PLA2R1: variants seen among roughly 807,000 people sequenced by gnomAD.
The protein encoded by PLA2R1 is secretory phospholipase A2 receptor.
PLA2R1 carries 158 observed loss-of-function variants against 195.9 expected under a neutral mutation model. The observed-to-expected ratio is 0.81, with a 90% CI of 0.71 to 0.92. The LOEUF is 0.92. Among genes scored for constraint, PLA2R1 ranks in the 40% least tolerant of loss-of-function variants. The pLI, the probability that PLA2R1 is intolerant of heterozygous loss-of-function variation, is 0.00. For missense variants in PLA2R1, 1,626 were observed against 1,764.6 expected (o/e 0.92, Z 1.41); for synonymous variants, 586 against 598.2 (o/e 0.98, Z 0.30).
At position 159,969,247 on chromosome 2, in the gene PLA2R1, T is replaced by TA. The variant is rs775877420; in HGVS notation, c.2764+8dup. The TA allele has an allele frequency of 3.4e-6, 5 of 1,479,812 alleles. No individual in the cohort carries two copies. Among genetic ancestry groups the TA allele is most frequent in the African/African-American group, 2.8e-5 (2 of 71,918 alleles). The allele number at this position is 1,479,812 out of a possible 1,614,324, so 91.7% of individuals were successfully genotyped here. A position where few individuals can be genotyped will look rare whatever the true frequency, so the allele number is the denominator to read the frequency against. ...TATTATAAACCCAAAAATGGGTAAG[T>TA]AAAATAACCTGTTATAGAAGAAATA... On this transcript the variant is annotated intron_variant, in intron 19 of 29. Coordinates refer to ENST00000283243, the MANE Select transcript of PLA2R1 (RefSeq NM_007366.5).
chr2:160,048,630 T>C (rs1319300625), intron 1 of PLA2R1, among the ~76,000 whole-genome samples: 1 of 152,180 alleles, frequency 6.6e-6, no homozygotes, highest in Non-Finnish European at 1.5e-5. Context: ...TGCATAGTTG[T>C]TGGATTTTTT....
intron 10 of PLA2R1, 26 bp downstream of exon 10, chr2:160,013,237 T>C (rs1365222580): frequency 3.6e-5 from 42 of 1,160,462 alleles, no homozygotes; most frequent in Non-Finnish European, 5.5e-5. Context: ...AGCCGTCTTG[T>C]TTCTGTTAAA....
intron 20 of PLA2R1, 61 bp downstream of exon 20, chr2:159,967,478 A>G: frequency 3.4e-6 from 5 of 1,454,590 alleles, no homozygotes; most frequent in Non-Finnish European, 4.7e-6. Context: ...CTTTTTGAAC[A>G]CTTTCCAAAA....
chr2:159,944,555 A>G (rs1342777176), intron 28 of PLA2R1, among the ~76,000 whole-genome samples: 1 of 152,230 alleles, frequency 6.6e-6, no homozygotes, highest in East Asian at 1.9e-4. Flanking sequence ...GAGGCCAAAC[A>G]TAAACCTTAA....
intron 23 of PLA2R1, among the ~76,000 whole-genome samples, chr2:159,953,105 T>C (rs907547666): frequency 6.6e-6 from 1 of 152,236 alleles, no homozygotes; most frequent in Non-Finnish European, 1.5e-5. Context: ...AAATGCCAAT[T>C]TGACTGTTTT....
intron 17 of PLA2R1, among the ~76,000 whole-genome samples, chr2:159,974,508 A>C (rs544741570): frequency 6.6e-6 from 1 of 152,280 alleles, no homozygotes; most frequent in African/African-American, 2.4e-5. Flanking sequence ...TTGCATGCGT[A>C]TGGATTAGTT....
intron 11 of PLA2R1, among the ~76,000 whole-genome samples, chr2:159,992,148 T>C (rs1471307033): frequency 6.7e-6 from 1 of 150,336 alleles, no homozygotes; most frequent in East Asian, 2.0e-4. Flanking sequence ...TTTTTAATGA[T>C]TGCCATTCTA....
In PLA2R1 at chr2:160,042,643, C is replaced by A. The variant is rs181124861; in HGVS notation, c.494-445G>T. Among the ~76,000 whole-genome samples, 20 of 152,152 alleles carry A rather than the reference C, an allele frequency of 1.3e-4. No individual in the cohort carries two copies. The East Asian group carries it at 3.7e-3, about 28-fold the overall frequency. Reference sequence around the variant, plus strand: ...AATGTACTCAGTACTGGGGATACAACAGTGAACAAACCAGCAAAAGTTCCT... The same window carrying A: ...AATGTACTCAGTACTGGGGATACAAAAGTGAACAAACCAGCAAAAGTTCCT... On this transcript the variant is annotated intron_variant, in intron 2 of 29. Transcript: ENST00000283243.
intron 11 of PLA2R1, 61 bp downstream of exon 11, chr2:160,005,591 G>C: frequency 4.2e-6 from 6 of 1,433,348 alleles, no homozygotes; most frequent in Non-Finnish European, 5.8e-6. Flanking sequence ...GGGCCAAGGG[G>C]TGGAAGGAAT....
intron 2 of PLA2R1, among the ~76,000 whole-genome samples, chr2:160,043,027 T>C (rs1694644110): frequency 1.3e-5 from 2 of 151,536 alleles, no homozygotes; most frequent in Non-Finnish European, 2.9e-5. Flanking sequence ...GAACAGCAAG[T>C]AAAAAGAACC....
At chr2:159,976,361 G>C (rs1370045573) in intron 16 of PLA2R1, 136 bp from the exon 17 acceptor site, 15 of 508,040 alleles carry the variant, frequency 3.0e-5, no homozygotes, top group South Asian at 8.0e-5. Context: ...CACACACACA[G>C]ACACATATGC....
intron 23 of PLA2R1, among the ~76,000 whole-genome samples, chr2:159,953,846 T>C (rs1687914690): frequency 6.6e-6 from 1 of 152,206 alleles, no homozygotes; most frequent in Non-Finnish European, 1.5e-5. Context: ...TTGTTTTGTT[T>C]TCCTGGAGAC....
intron 10 of PLA2R1, among the ~76,000 whole-genome samples, chr2:160,012,523 G>A (rs1014263243): frequency 1.6e-4 from 24 of 152,108 alleles, no homozygotes; most frequent in African/African-American, 5.6e-4. Flanking sequence ...AAGAAGTGAT[G>A]GTGAAGGATT....
At chr2:160,041,465 G>GA (rs1286905048) in intron 3 of PLA2R1, among the ~76,000 whole-genome samples, 1 of 151,790 alleles carries the variant, frequency 6.6e-6, no homozygotes, top group African/African-American at 2.4e-5. Flanking sequence ...GTTAAGAAAA[G>GA]AAAAAAAATG....
chr2:160,061,914 T>C (rs544486666), intron 1 of PLA2R1, among the ~76,000 whole-genome samples: 2 of 152,238 alleles, frequency 1.3e-5, no homozygotes, highest in South Asian at 2.1e-4. Flanking sequence ...CTTTTTGCTA[T>C]CATTTATCCG....
intron 5 of PLA2R1, 109 bp from the exon 6 acceptor site, chr2:160,028,470 T>G: frequency 1.3e-6 from 1 of 753,020 alleles, no homozygotes; most frequent in Non-Finnish European, 2.3e-6. Context: ...TTGTCATATA[T>G]AGTAAATCCT....
intron 1 of PLA2R1, among the ~76,000 whole-genome samples, chr2:160,047,564 T>C (rs1694950306): frequency 6.6e-6 from 1 of 152,216 alleles, no homozygotes; most frequent in African/African-American, 2.4e-5. Context: ...CTATCATCTT[T>C]TATGGAGGAA....
At chr2:160,003,665 A>C (rs933368265) in intron 11 of PLA2R1, among the ~76,000 whole-genome samples, 4 of 152,218 alleles carry the variant, frequency 2.6e-5, no homozygotes, top group Non-Finnish European at 5.9e-5. Context: ...AATGTGGGAA[A>C]GCTGCCACTC....
intron 11 of PLA2R1, among the ~76,000 whole-genome samples, chr2:159,992,569 C>T (rs1028548817): frequency 9.4e-5 from 14 of 149,550 alleles, no homozygotes; most frequent in African/African-American, 3.0e-4. Context: ...GAATCAATAT[C>T]GTGAAAATGG....
Sources: allele counts gnomAD v4.1 joint callset (sites outside exome capture counted in the v4.1 genomes callset), GRCh38; gene constraint gnomAD v4.1.1; transcripts MANE v1.5; gene names NCBI Gene and HGNC (gene_info 2026-07-23, HGNC 2026-07-21).